The following KAZN variants were observed in gnomAD, a reference collection of about 807,000 sequenced individuals.
KAZN encodes kazrin, periplakin interacting protein.
In KAZN, 40 loss-of-function variants were observed where a neutral mutation model predicts 87.4. The observed-to-expected ratio is 0.46, with a 90% CI of 0.36 to 0.60. The LOEUF is 0.60. KAZN is among the 20% of genes least tolerant of loss of function. The pLI, the probability that KAZN is intolerant of heterozygous loss-of-function variation, is 0.00. For missense variants in KAZN, 898 were observed against 1,073.9 expected (o/e 0.84, Z 2.29); for synonymous variants, 466 against 458.3 (o/e 1.02, Z -0.22).
chr1:14,003,530 A>T (rs1364187983), intron 1 of KAZN, among the ~76,000 whole-genome samples: 1 of 152,098 alleles, frequency 6.6e-6, no homozygotes, highest in Non-Finnish European at 1.5e-5. Context: ...TGACACACGG[A>T]TGGACAAAGA....
chr1:14,797,789 G>C (rs186535719), intron 1 of KAZN, among the ~76,000 whole-genome samples: 1 of 152,280 alleles, frequency 6.6e-6, no homozygotes, highest in African/African-American at 2.4e-5. Flanking sequence ...TCTGCAAAAT[G>C]GTCATCACAG....
intron 2 of KAZN, among the ~76,000 whole-genome samples, chr1:14,981,910 G>T (rs1002378701): frequency 1.3e-5 from 2 of 152,182 alleles, no homozygotes; most frequent in South Asian, 2.1e-4. Flanking sequence ...CAGGTATAGC[G>T]TGCCATCCAG....
chr1:14,726,023 G>A (rs1257162250), intron 1 of KAZN, among the ~76,000 whole-genome samples: 6 of 152,216 alleles, frequency 3.9e-5, no homozygotes, highest in African/African-American at 1.4e-4. Context: ...CTCCCAAACT[G>A]TGAATGTCTG....
At chr1:14,729,500 T>C (rs1643576768) in intron 1 of KAZN, among the ~76,000 whole-genome samples, 2 of 152,088 alleles carry the variant, frequency 1.3e-5, no homozygotes, top group Non-Finnish European at 2.9e-5. Context: ...GTCCATAGAG[T>C]AATGCCCTTC....
At chr1:14,401,553 T>G (rs1297569317) in intron 2 of KAZN, among the ~76,000 whole-genome samples, 1 of 152,090 alleles carries the variant, frequency 6.6e-6, no homozygotes, top group African/African-American at 2.4e-5. Flanking sequence ...CAGTGGCCCA[T>G]GCCTGTAATC....
At chr1:14,700,623 A>C (rs1572258144) in intron 1 of KAZN, among the ~76,000 whole-genome samples, 2 of 152,244 alleles carry the variant, frequency 1.3e-5, no homozygotes, top group East Asian at 3.9e-4. Flanking sequence ...AAATGTGTCC[A>C]CACACCCACC....
chr1:14,947,446 G>A (rs960678728), intron 1 of KAZN, among the ~76,000 whole-genome samples: 1 of 152,198 alleles, frequency 6.6e-6, no homozygotes, highest in Admixed American at 6.5e-5. Context: ...AAGACTGGGG[G>A]ACCTGGCCAT....
At chr1:14,030,961 A>G (rs1377348454) in intron 1 of KAZN, among the ~76,000 whole-genome samples, 1 of 152,076 alleles carries the variant, frequency 6.6e-6, no homozygotes, top group African/African-American at 2.4e-5. Context: ...TATTTATTTT[A>G]AGGTCATGAA....
chr1:14,663,073 C>G (rs892261185), intron 1 of KAZN, among the ~76,000 whole-genome samples: 30 of 151,566 alleles, frequency 2.0e-4, no homozygotes, highest in Admixed American at 1.8e-3. Context: ...TGGGCTCAAG[C>G]GATCTTCCTA....
intron 1 of KAZN, among the ~76,000 whole-genome samples, chr1:14,010,783 A>G (rs1029872967): frequency 6.6e-6 from 1 of 152,230 alleles, no homozygotes; most frequent in African/African-American, 2.4e-5. Flanking sequence ...GTGACATAAG[A>G]GAAAGCCTGA....
chr1:14,225,633 G>A (rs555644961), intron 2 of KAZN, among the ~76,000 whole-genome samples: 6 of 152,226 alleles, frequency 3.9e-5, no homozygotes, highest in Admixed American at 3.3e-4. Context: ...ATATTACAGG[G>A]TATAGTAACT....
intron 1 of KAZN, among the ~76,000 whole-genome samples, chr1:14,796,976 C>A (rs1380438243): frequency 6.6e-6 from 1 of 152,174 alleles, no homozygotes; most frequent in African/African-American, 2.4e-5. Context: ...GTGGGTTAAG[C>A]TATGTTGATG....
At chr1:14,067,258 C>A (rs778885907) in intron 1 of KAZN, among the ~76,000 whole-genome samples, 5 of 152,136 alleles carry the variant, frequency 3.3e-5, no homozygotes, top group African/African-American at 4.8e-5. Flanking sequence ...GTTTGTTGAA[C>A]AAGTGAAAGA....
chr1:15,076,674 C>T (rs1183558154), intron 8 of KAZN, among the ~76,000 whole-genome samples: 3 of 152,198 alleles, frequency 2.0e-5, no homozygotes, highest in Non-Finnish European at 1.5e-5. Context: ...CCACTTTTCT[C>T]ATCTGTAAAA....
chr1:14,508,520 A>C (rs927956923), intron 2 of KAZN, among the ~76,000 whole-genome samples: 2 of 152,214 alleles, frequency 1.3e-5, no homozygotes, highest in African/African-American at 4.8e-5. Context: ...TTTTTAAAGA[A>C]AATTCCCTAC....
At chr1:14,943,050 G>T (rs1246252538) in intron 1 of KAZN, among the ~76,000 whole-genome samples, 1 of 114,546 alleles carries the variant, frequency 8.7e-6, no homozygotes, top group Non-Finnish European at 1.7e-5. Flanking sequence ...GTGTGTGTGT[G>T]TTGGGGAGGA....
At chr1:14,553,366 A>G (rs1408231866) in intron 2 of KAZN, among the ~76,000 whole-genome samples, 1 of 152,106 alleles carries the variant, frequency 6.6e-6, no homozygotes, top group African/African-American at 2.4e-5. Context: ...CTCAAAAAAC[A>G]CATATATAGA....
intron 2 of KAZN, among the ~76,000 whole-genome samples, chr1:15,011,139 T>C (rs768756255): frequency 1.3e-5 from 2 of 152,198 alleles, no homozygotes; most frequent in African/African-American, 2.4e-5. Flanking sequence ...GGCTCAGTCT[T>C]TGGAGGCAGA....
chr1:14,595,293 A>G (rs528169365), upstream of KAZN, among the ~76,000 whole-genome samples: 151 of 152,294 alleles, frequency 9.9e-4, no homozygotes, highest in Non-Finnish European at 1.9e-3. Context: ...TGTGGAAAAC[A>G]TATTAGCTGT....
Sources: gnomAD v4.1 joint callset for allele counts (sites outside exome capture counted in the v4.1 genomes callset) on GRCh38, gnomAD v4.1.1 for gene constraint, MANE v1.5 for transcripts, NCBI Gene and HGNC (gene_info 2026-07-23, HGNC 2026-07-21) for gene names.